RASA2: variants seen among roughly 807,000 people sequenced by gnomAD.
RASA2 encodes the protein ras GTPase-activating protein 2.
In RASA2, 155 loss-of-function variants were observed where a neutral mutation model predicts 118.2. That is an observed-to-expected ratio of 1.31 (90% CI 1.15 to 1.50). The LOEUF (loss-of-function observed/expected upper bound fraction) is 1.50. RASA2 is among the 40% of genes most tolerant of loss of function. The pLI is 0.00. For synonymous variants in RASA2, 353 were observed against 349.1 expected (o/e 1.01, Z -0.12); for missense variants, 1,016 against 1,009.6 (o/e 1.01, Z -0.09).
chr3:141,580,740 CCTA>C (rs1217373075), intron 16 of RASA2, among the ~76,000 whole-genome samples: 1 of 151,726 alleles, frequency 6.6e-6, no homozygotes, highest in Non-Finnish European at 1.5e-5. Context: ...AATGATGGCA[CCTA>C]TGAATAGCCA....
At chr3:141,582,496 G>A (rs944904017) in intron 17 of RASA2, among the ~76,000 whole-genome samples, 2 of 152,154 alleles carry the variant, frequency 1.3e-5, no homozygotes, top group East Asian at 1.9e-4. Context: ...CTGAGGCTAC[G>A]GTAGCATCTG....
intron 19 of RASA2, among the ~76,000 whole-genome samples, chr3:141,587,198 A>G (rs1284051849): frequency 6.6e-6 from 1 of 152,224 alleles, no homozygotes; most frequent in Non-Finnish European, 1.5e-5. Flanking sequence ...TACAGTTGTC[A>G]AATTCATCCT....
chr3:141,557,218 A>T (rs1028771307), intron 7 of RASA2, among the ~76,000 whole-genome samples: 2 of 152,194 alleles, frequency 1.3e-5, no homozygotes, highest in African/African-American at 4.8e-5. Context: ...GAGGGCCTTT[A>T]GTTGGTTATA....
intron 19 of RASA2, among the ~76,000 whole-genome samples, chr3:141,603,771 C>A (rs1354576629): frequency 6.6e-6 from 1 of 152,138 alleles, no homozygotes; most frequent in Non-Finnish European, 1.5e-5. Context: ...CAGCCTCTGA[C>A]AACCACTAAT....
intron 3 of RASA2, among the ~76,000 whole-genome samples, chr3:141,522,456 G>A (rs1008690016): frequency 2.8e-4 from 42 of 152,164 alleles, no homozygotes; most frequent in African/African-American, 1.0e-3. Flanking sequence ...CTCCGGGAAT[G>A]CCATAGGCGT....
At chr3:141,544,408 A>G (rs1028958631) in intron 5 of RASA2, among the ~76,000 whole-genome samples, 11 of 152,060 alleles carry the variant, frequency 7.2e-5, no homozygotes, top group Non-Finnish European at 1.3e-4. Context: ...TTTTTTTTAC[A>G]GTCCCAGAGG....
chr3:141,503,210 A>G (rs1363526283), intron 1 of RASA2, among the ~76,000 whole-genome samples: 1 of 152,204 alleles, frequency 6.6e-6, no homozygotes, highest in Non-Finnish European at 1.5e-5. Flanking sequence ...AGAAACATAC[A>G]TGCAAACCTT....
At chr3:141,545,059 T>C (rs2082464183) in intron 5 of RASA2, among the ~76,000 whole-genome samples, 1 of 152,134 alleles carries the variant, frequency 6.6e-6, no homozygotes, top group Non-Finnish European at 1.5e-5. Context: ...AATACCTAAG[T>C]GACAAAATAA....
intron 3 of RASA2, among the ~76,000 whole-genome samples, chr3:141,520,011 C>CTTTTTTT (rs559634060): frequency 2.7e-5 from 3 of 109,790 alleles, no homozygotes; most frequent in South Asian, 3.0e-4. Context: ...TTCTTTTTCT[C>CTTTTTTT]TTTTTTTTTT....
chr3:141,582,952 C>T (rs2083139713), intron 17 of RASA2, among the ~76,000 whole-genome samples: 1 of 152,128 alleles, frequency 6.6e-6, no homozygotes, highest in Admixed American at 6.6e-5. Flanking sequence ...AACCAGAACA[C>T]TTTTAAGAGT....
At chr3:141,567,457 A>G (rs1249546535) in intron 9 of RASA2, among the ~76,000 whole-genome samples, 1 of 152,188 alleles carries the variant, frequency 6.6e-6, no homozygotes. Flanking sequence ...CTACATTCTT[A>G]GATAAAATAT....
intron 19 of RASA2, among the ~76,000 whole-genome samples, chr3:141,595,999 T>A (rs757039258): frequency 4.4e-4 from 67 of 152,210 alleles, no homozygotes; most frequent in Non-Finnish European, 4.4e-5. Context: ...TACAGAAGTT[T>A]GAAATAATAC....
intron 17 of RASA2, among the ~76,000 whole-genome samples, chr3:141,583,046 C>T (rs1202837561): frequency 6.6e-6 from 1 of 152,170 alleles, no homozygotes; most frequent in African/African-American, 2.4e-5. Flanking sequence ...CCTATAGTCA[C>T]CCTGCCTATA....
chr3:141,603,882 T>C (rs183774608), intron 19 of RASA2, among the ~76,000 whole-genome samples: 99 of 152,358 alleles, frequency 6.5e-4, no homozygotes, highest in Non-Finnish European at 1.1e-3. Context: ...GCATAATGTT[T>C]TGGAGGTTCA....
chr3:141,515,111 A>G (rs1037499621), intron 2 of RASA2, among the ~76,000 whole-genome samples: 3 of 152,222 alleles, frequency 2.0e-5, no homozygotes, highest in African/African-American at 4.8e-5. Context: ...ATCAACCTCT[A>G]TACTTTAAAT....
chr3:141,522,213 T>C (rs986545224), intron 3 of RASA2, among the ~76,000 whole-genome samples: 1 of 152,128 alleles, frequency 6.6e-6, no homozygotes, highest in Admixed American at 6.5e-5. Context: ...CAGATTGTGC[T>C]GTTTTTCAGT....
chr3:141,524,576 G>A (rs2082158726), intron 3 of RASA2, among the ~76,000 whole-genome samples: 1 of 151,938 alleles, frequency 6.6e-6, no homozygotes, highest in South Asian at 2.1e-4. Flanking sequence ...AGTAATATTT[G>A]TCACTGTTTT....
Position 141,487,053 on chromosome 3 carries a change from G to C in RASA2, c.-31G>C, listed in dbSNP as rs2081583969. On this transcript the variant is annotated 5_prime_UTR_variant, in exon 1 of 24. Transcript: ENST00000286364. ...CTCCGCCTCGCCCGGCTACGCAGGC[G>C]GCAGGGCTGCGGCACGGGCCGGGCG... 2.5e-6 allele frequency: 3 copies of C among 1,220,928 alleles called. No individual in the cohort carries two copies. Among genetic ancestry groups the C allele is most frequent in the Non-Finnish European group, 3.1e-6 (3 of 975,188 alleles). 75.6% of individuals were successfully genotyped at this position (1,220,928 alleles called of 1,614,324 possible). A position where few individuals can be genotyped will look rare whatever the true frequency, so the allele number is the denominator to read the frequency against.
intron 19 of RASA2, among the ~76,000 whole-genome samples, chr3:141,601,507 TC>T (rs149880387): frequency 0.25 from 37,449 of 151,962 alleles, 5,266 homozygotes; most frequent in Non-Finnish European, 0.32. Context: ...AAAAATATCT[TC>T]GAAACCATGA....
Sources: allele counts gnomAD v4.1 joint callset (sites outside exome capture counted in the v4.1 genomes callset), GRCh38; gene constraint gnomAD v4.1.1; transcripts MANE v1.5; gene names NCBI Gene and HGNC (gene_info 2026-07-23, HGNC 2026-07-21).